SH3KBP1: variants seen among roughly 807,000 people sequenced by gnomAD.
The protein encoded by SH3KBP1 is SH3 domain-containing kinase-binding protein 1.
SH3KBP1 carries 8 observed loss-of-function variants against 50.1 expected under a neutral mutation model. That is an observed-to-expected ratio of 0.16 (90% confidence interval 0.09 to 0.29). SH3KBP1 has a LOEUF of 0.29. SH3KBP1 is among the 10% of genes least tolerant of loss of function. The probability of loss-of-function intolerance (pLI) is 1.00; values close to 1 mark genes in which losing one functional copy is unlikely to be tolerated. For missense variants in SH3KBP1, 377 were observed against 535.2 expected (o/e 0.70, Z 2.92); for synonymous variants, 227 against 218.6 (o/e 1.04, Z -0.34).
intron 2 of SH3KBP1, among the ~76,000 whole-genome samples, chrX:19,805,361 G>A (rs185989523): frequency 9.0e-6 from 1 of 110,528 alleles, no homozygotes; most frequent in African/African-American, 3.3e-5. Context: ...AGCATTCCAC[G>A]GTAAATAATT....
intron 1 of SH3KBP1, among the ~76,000 whole-genome samples, chrX:19,856,111 G>C (rs376247020): frequency 9.1e-6 from 1 of 109,311 alleles, no homozygotes; most frequent in Non-Finnish European, 1.9e-5. Context: ...CAGGTAAAAG[G>C]AAAGCTTTTA....
At chrX:19,684,855 T>C (rs182337957) in intron 5 of SH3KBP1, among the ~76,000 whole-genome samples, 79 of 112,279 alleles carry the variant, frequency 7.0e-4, no homozygotes, top group Admixed American at 1.5e-3. Flanking sequence ...AAAATAGTTA[T>C]TAGCAAGACA....
chrX:19,694,399 C>A (rs1466736352), intron 5 of SH3KBP1, among the ~76,000 whole-genome samples: 1 of 111,045 alleles, frequency 9.0e-6, no homozygotes. Context: ...ATCAGCTGGG[C>A]CATGTTAATA....
At chrX:19,816,084 T>C (rs2067346885) in intron 2 of SH3KBP1, among the ~76,000 whole-genome samples, 1 of 112,426 alleles carries the variant, frequency 8.9e-6, no homozygotes, top group African/African-American at 3.2e-5. Flanking sequence ...CAAACTATTT[T>C]CCAAACTGAC....
chrX:19,674,216 T>C (rs1167850293), intron 6 of SH3KBP1, among the ~76,000 whole-genome samples: 1 of 111,225 alleles, frequency 9.0e-6, no homozygotes, highest in African/African-American at 3.3e-5. Flanking sequence ...TAGGAGGTGT[T>C]AACTCCATTC....
intron 6 of SH3KBP1, among the ~76,000 whole-genome samples, chrX:19,676,351 TG>T (rs2062928052): frequency 1.2e-5 from 1 of 82,792 alleles, no homozygotes; most frequent in Admixed American, 1.5e-4. Flanking sequence ...AAAGACTACC[TG>T]GGTGGGGGCT....
intron 7 of SH3KBP1, among the ~76,000 whole-genome samples, chrX:19,642,883 T>C (rs2061894117): frequency 9.0e-6 from 1 of 110,958 alleles, no homozygotes; most frequent in Admixed American, 9.6e-5. Context: ...ACTCAGAAAA[T>C]ACCAACTCAT....
chrX:19,570,269 G>T (rs952965414), intron 12 of SH3KBP1, among the ~76,000 whole-genome samples: 7 of 112,232 alleles, frequency 6.2e-5, no homozygotes, highest in Admixed American at 5.6e-4. Flanking sequence ...AAAGGAGTGG[G>T]TCAGTGCAGG....
chrX:19,877,841 G>C (rs1328196190), intron 1 of SH3KBP1, among the ~76,000 whole-genome samples: 2 of 112,191 alleles, frequency 1.8e-5, no homozygotes, highest in African/African-American at 6.5e-5. Flanking sequence ...GAACTGAACT[G>C]CACTTCATCT....
At chrX:19,709,333 C>T (rs930339196) in intron 3 of SH3KBP1, among the ~76,000 whole-genome samples, 4 of 111,741 alleles carry the variant, frequency 3.6e-5, no homozygotes. Flanking sequence ...TGACCTGATG[C>T]CAAGCACAAT....
Position 19,758,668 on chromosome X carries a change from T to C in SH3KBP1, c.163-12227A>G, listed in dbSNP as rs374850053. Among the ~76,000 whole-genome samples the C allele has an allele frequency of 2.6e-4, 29 of 111,548 alleles. 1 individual carries two copies. In the South Asian group the frequency reaches 6.4e-3, roughly 24 times the overall value. ...AACAGTACCCCCAACACAGGAACTG[T>C]TAAATCACGTGCTAGATAAAAAGCT... On this transcript the variant is annotated intron_variant, in intron 2 of 17. Coordinates refer to ENST00000397821, the MANE Select transcript of SH3KBP1 (RefSeq NM_031892.3).
intron 2 of SH3KBP1, chrX:19,799,702 G>A: frequency 8.3e-7 from 1 of 1,207,562 alleles, no homozygotes; most frequent in South Asian, 1.8e-5. Context: ...AGTATGAAAT[G>A]GTAATTTCTG....
At chrX:19,754,850 T>A (rs1281218025) in intron 2 of SH3KBP1, among the ~76,000 whole-genome samples, 1 of 111,757 alleles carries the variant, frequency 8.9e-6, no homozygotes, top group Non-Finnish European at 1.9e-5. Context: ...GGGGAGAAGA[T>A]GATACAGTAA....
At position 19,814,874 on chromosome X, in the gene SH3KBP1, C is replaced by T. The variant is rs762622078; in HGVS notation, c.162+21251G>A. 3.2e-3 allele frequency among the ~76,000 whole-genome samples: 356 copies of T among 111,958 alleles called. 2 individuals carry two copies. The highest frequency in any genetic ancestry group is 4.1e-3 in the Non-Finnish European group (216 of 53,172). Reference sequence around the variant, plus strand: ...CCATCCTTCTTTTCTCCTCCCAACTCTACTTCTGTCATTGGCCCTCCAGTC... The same window carrying T: ...CCATCCTTCTTTTCTCCTCCCAACTTTACTTCTGTCATTGGCCCTCCAGTC... On this transcript the variant is annotated intron_variant, in intron 2 of 17. Transcript: ENST00000397821.
chrX:19,820,926 C>A (rs745382633), intron 2 of SH3KBP1, among the ~76,000 whole-genome samples: 1 of 111,357 alleles, frequency 9.0e-6, no homozygotes, highest in Non-Finnish European at 1.9e-5. Flanking sequence ...CAGACTACTT[C>A]GATCAACATT....
intron 6 of SH3KBP1, among the ~76,000 whole-genome samples, chrX:19,671,369 TAAAC>T (rs2062786626): frequency 1.3e-5 from 1 of 75,122 alleles, no homozygotes; most frequent in Non-Finnish European, 2.4e-5. Flanking sequence ...AAATTACTCA[TAAAC>T]ACACACACAC....
At chrX:19,879,609 G>A (rs1478762471) in intron 1 of SH3KBP1, among the ~76,000 whole-genome samples, 2 of 112,269 alleles carry the variant, frequency 1.8e-5, no homozygotes, top group African/African-American at 3.2e-5. Context: ...TAACAACTTC[G>A]TGCCCCAAAG....
intron 13 of SH3KBP1, among the ~76,000 whole-genome samples, chrX:19,551,479 C>G (rs754811745): frequency 9.1e-6 from 1 of 110,302 alleles, no homozygotes; most frequent in Non-Finnish European, 1.9e-5. Flanking sequence ...GCTGACCCCT[C>G]TCAGGGGCCT....
chrX:19,589,907 G>C (rs961224064), intron 11 of SH3KBP1, among the ~76,000 whole-genome samples: 1 of 109,663 alleles, frequency 9.1e-6, no homozygotes, highest in Non-Finnish European at 1.9e-5. Context: ...ATCACTTGAG[G>C]CCAGGAGTTC....
Sources: gnomAD v4.1 joint callset for allele counts (sites outside exome capture counted in the v4.1 genomes callset) on GRCh38, gnomAD v4.1.1 for gene constraint, MANE v1.5 for transcripts, NCBI Gene and HGNC (gene_info 2026-07-23, HGNC 2026-07-21) for gene names.